Variants in RAB6B observed in about 807,000 individuals in gnomAD.
The protein encoded by RAB6B is ras-related protein Rab-6B.
A neutral mutation model predicts 31.2 loss-of-function variants in RAB6B; 7 were observed. The observed-to-expected ratio is 0.22, with a 90% CI of 0.13 to 0.42. The LOEUF (loss-of-function observed/expected upper bound fraction) is 0.42. Ranked by LOEUF, RAB6B falls within the 10% of genes least tolerant of loss-of-function variation. The probability of loss-of-function intolerance (pLI) is 1.00; values close to 1 mark genes in which losing one functional copy is unlikely to be tolerated. For missense variants in RAB6B, 149 were observed against 280.6 expected (o/e 0.53, Z 3.35); for synonymous variants, 105 against 104.9 (o/e 1.00, Z -0.01).
At chr3:133,841,823 C>T (rs1366306762) in intron 2 of RAB6B, among the ~76,000 whole-genome samples, 160 bp from the exon 3 acceptor site, 1 of 152,214 alleles carries the variant, frequency 6.6e-6, no homozygotes, top group African/African-American at 2.4e-5. Flanking sequence ...TGCTACCACT[C>T]AGCGGCTCTC....
At position 133,863,783 on chromosome 3, in the gene RAB6B, G is replaced by A. The variant is rs1352109062; in HGVS notation, c.129+801C>T. Among the ~76,000 whole-genome samples, 41 of 152,140 alleles carry A rather than the reference G, an allele frequency of 2.7e-4. 1 individual carries two copies. Among genetic ancestry groups the A allele is most frequent in the Admixed American group, 2.4e-3 (36 of 15,286 alleles). ...AGTGTAGAAAAATGCATTATCATTT[G>A]TCTCTATCTAAGGAATAAAACAGCA... is the stretch of plus-strand genomic sequence containing the variant. On this transcript the variant is annotated intron_variant, in intron 2 of 7. Coordinates refer to ENST00000285208, the MANE Select transcript of RAB6B (RefSeq NM_016577.4).
At chr3:133,894,988 G>A (rs1270382554) in intron 1 of RAB6B, among the ~76,000 whole-genome samples, 1 of 152,168 alleles carries the variant, frequency 6.6e-6, no homozygotes, top group African/African-American at 2.4e-5. Context: ...CAAGGGGGGC[G>A]CCCGTCGCTC....
chr3:133,860,032 C>A (rs115968989), intron 2 of RAB6B, among the ~76,000 whole-genome samples: 1,685 of 152,250 alleles, frequency 0.011, 30 homozygotes, highest in African/African-American at 0.039. Flanking sequence ...GCCGGAGGGG[C>A]TCGGAGCCTG....
chr3:133,895,798 G>A lies in RAB6B; in HGVS notation c.-332C>T, dbSNP rs1054820117. 14 of 314,082 alleles carry A rather than the reference G, an allele frequency of 4.5e-5. No individual in the cohort carries two copies. Among genetic ancestry groups the A allele is most frequent in the African/African-American group, 2.8e-4 (13 of 45,628 alleles). 19.5% of individuals were successfully genotyped at this position (314,082 alleles called of 1,614,324 possible). A position where few individuals can be genotyped will look rare whatever the true frequency, so the allele number is the denominator to read the frequency against. ...CGCGGGCGGAGCGGGGCGCAGGGAC[G>A]GCGCGCGGGGCGGAGGAGCGCTCTC... On this transcript the variant is annotated 5_prime_UTR_variant, in exon 1 of 8. Transcript: ENST00000285208.
chr3:133,835,752 G>A (rs913282387), intron 6 of RAB6B, among the ~76,000 whole-genome samples: 9 of 152,048 alleles, frequency 5.9e-5, no homozygotes, highest in African/African-American at 2.2e-4. Context: ...AACGGGATGA[G>A]TGCCCTTATG....
intron 1 of RAB6B, among the ~76,000 whole-genome samples, chr3:133,893,989 G>C (rs1936671881): frequency 6.6e-6 from 1 of 152,188 alleles, no homozygotes. Flanking sequence ...TCCATACTGG[G>C]CCTGGACACT....
At chr3:133,876,217 G>A (rs1258434644) in intron 1 of RAB6B, among the ~76,000 whole-genome samples, 1 of 152,152 alleles carries the variant, frequency 6.6e-6, no homozygotes, top group African/African-American at 2.4e-5. Flanking sequence ...CATGAATCTG[G>A]TGAGACTGAG....
At chr3:133,863,828 T>C (rs893085822) in intron 2 of RAB6B, among the ~76,000 whole-genome samples, 2 of 152,202 alleles carry the variant, frequency 1.3e-5, no homozygotes, top group African/African-American at 2.4e-5. Flanking sequence ...TTTAAAAGAG[T>C]TGAAATGATT....
At position 133,885,790 on chromosome 3, in the gene RAB6B, A is replaced by G. The variant is rs1330851976; in HGVS notation, c.70+9607T>C. On this transcript the variant is annotated intron_variant, in intron 1 of 7. Transcript: ENST00000285208. ...AATCCTTCATTGTTCCTGAGGCCTC[A>G]TTCTAAGAGAAAGAATCAAGAAAAT... is the stretch of plus-strand genomic sequence containing the variant. 4.9e-5 allele frequency: 29 copies of G among 592,460 alleles called. 1 individual carries two copies. In the Admixed American group the frequency reaches 8.6e-4, roughly 18 times the overall value. The allele number at this position is 592,460 out of a possible 1,614,324, so 36.7% of individuals were successfully genotyped here. A position where few individuals can be genotyped will look rare whatever the true frequency, so the allele number is the denominator to read the frequency against.
At chr3:133,863,969 A>G (rs1231059628) in intron 2 of RAB6B, among the ~76,000 whole-genome samples, 1 of 152,056 alleles carries the variant, frequency 6.6e-6, no homozygotes, top group Non-Finnish European at 1.5e-5. Flanking sequence ...CCTTCAGGGC[A>G]CCTGGAACCA....
chr3:133,834,462 A>T, intron 7 of RAB6B, 113 bp downstream of exon 7: 2 of 1,203,430 alleles, frequency 1.7e-6, no homozygotes, highest in South Asian at 2.4e-5. Context: ...TTCGCGGCAG[A>T]CCAGGGAAGG....
chr3:133,882,758 T>C (rs1015289126), intron 1 of RAB6B, among the ~76,000 whole-genome samples: 3 of 152,304 alleles, frequency 2.0e-5, no homozygotes, highest in African/African-American at 7.2e-5. Flanking sequence ...TCTTGCTACA[T>C]GATAGAGGCA....
chr3:133,864,519 A>T, intron 2 of RAB6B, 65 bp downstream of exon 2: 1 of 1,531,688 alleles, frequency 6.5e-7, no homozygotes, highest in Non-Finnish European at 9.0e-7. Context: ...ACCCCAGCTC[A>T]GCAAGTTTCA....
At chr3:133,894,382 A>G (rs1936678100) in intron 1 of RAB6B, 1 of 152,314 alleles carries the variant, frequency 6.6e-6, no homozygotes, top group Non-Finnish European at 1.5e-5. Context: ...TCCCGCCTCT[A>G]GGGACTAACC....
intron 2 of RAB6B, among the ~76,000 whole-genome samples, chr3:133,853,328 TG>T: frequency 6.6e-6 from 1 of 152,102 alleles, no homozygotes; most frequent in East Asian, 1.9e-4. Context: ...TATGTGGGTA[TG>T]AGAGTGTGGG....
Position 133,828,299 on chromosome 3 carries a change from A to C in RAB6B, c.*489T>G. ...GTGGGGCCAGATGGCCCCAGACTGA[A>C]GCCTAATTAATTTGCTCAGTTAATT... On this transcript the variant is annotated 3_prime_UTR_variant, in exon 8 of 8. Coordinates refer to ENST00000285208, the MANE Select transcript of RAB6B (RefSeq NM_016577.4). The C allele has an allele frequency of 2.5e-6, 1 of 405,840 alleles. No homozygotes were observed. The highest frequency in any genetic ancestry group is 3.6e-5 in the South Asian group (1 of 28,092). 25.1% of individuals were successfully genotyped at this position (405,840 alleles called of 1,614,324 possible).
At chr3:133,837,417 T>C (rs1223743004) in intron 6 of RAB6B, among the ~76,000 whole-genome samples, 2 of 152,212 alleles carry the variant, frequency 1.3e-5, no homozygotes, top group African/African-American at 2.4e-5. Context: ...TCAAGATACC[T>C]GCAACACTAT....
At chr3:133,879,161 A>T (rs918995455) in intron 1 of RAB6B, among the ~76,000 whole-genome samples, 4 of 152,258 alleles carry the variant, frequency 2.6e-5, no homozygotes, top group African/African-American at 7.2e-5. Flanking sequence ...GTAACAAGTT[A>T]AAATTCAGGG....
At chr3:133,873,551 C>T (rs988547389) in intron 1 of RAB6B, among the ~76,000 whole-genome samples, 1 of 152,184 alleles carries the variant, frequency 6.6e-6, no homozygotes, top group Non-Finnish European at 1.5e-5. Flanking sequence ...GGCTCGGCCC[C>T]CTCTCCTGCC....
Sources: allele counts gnomAD v4.1 joint callset (sites outside exome capture counted in the v4.1 genomes callset), GRCh38; gene constraint gnomAD v4.1.1; transcripts MANE v1.5; gene names NCBI Gene and HGNC (gene_info 2026-07-23, HGNC 2026-07-21).